The following SAMD3 variants were observed in gnomAD, a reference collection of about 807,000 sequenced individuals.
SAMD3 encodes sterile alpha motif domain containing 3.
A neutral mutation model predicts 58.5 loss-of-function variants in SAMD3; 63 were observed. That is an observed-to-expected ratio of 1.08 (90% CI 0.88 to 1.33). The LOEUF (loss-of-function observed/expected upper bound fraction) is 1.33. Among genes scored for constraint, SAMD3 ranks in the 40% most tolerant of loss-of-function variants. The pLI, the probability that SAMD3 is intolerant of heterozygous loss-of-function variation, is 0.00. For synonymous variants in SAMD3, 220 were observed against 210.3 expected (o/e 1.05, Z -0.40); for missense variants, 604 against 608.4 (o/e 0.99, Z 0.08).
intron 2 of SAMD3, among the ~76,000 whole-genome samples, chr6:130,253,525 T>C (rs1773817084): frequency 6.6e-6 from 1 of 152,206 alleles, no homozygotes; most frequent in Non-Finnish European, 1.5e-5. Context: ...CTTGTCTTAT[T>C]TGCAGAAGTC....
chr6:130,173,886 G>A (rs1582791814), intron 8 of SAMD3, among the ~76,000 whole-genome samples: 2 of 152,208 alleles, frequency 1.3e-5, no homozygotes, highest in South Asian at 4.1e-4. Flanking sequence ...CTTCAGAGAT[G>A]CCCTGCCCAG....
intron 2 of SAMD3, among the ~76,000 whole-genome samples, chr6:130,269,051 A>G (rs1583030248): frequency 6.6e-6 from 1 of 152,232 alleles, no homozygotes. Context: ...TAGTTCCCGA[A>G]GTTTTACTCC....
chr6:130,291,070 A>C (rs1286339287), intron 2 of SAMD3, among the ~76,000 whole-genome samples: 3 of 151,306 alleles, frequency 2.0e-5, no homozygotes, highest in Non-Finnish European at 4.4e-5. Context: ...CATGCCATAC[A>C]TGGTGATGAC....
chr6:130,298,115 C>G (rs72990383), intron 2 of SAMD3, among the ~76,000 whole-genome samples: 3,016 of 152,190 alleles, frequency 0.02, 53 homozygotes, highest in Non-Finnish European at 0.032. Context: ...GGGGAAAAAT[C>G]TTAAAGGCAA....
At chr6:130,152,823 G>A (rs188735826) in intron 9 of SAMD3, among the ~76,000 whole-genome samples, 94 of 152,320 alleles carry the variant, frequency 6.2e-4, no homozygotes, top group Middle Eastern at 3.4e-3. Flanking sequence ...TGCCACAGCA[G>A]GAGGCCTGGA....
In SAMD3 at chr6:130,214,394, T is replaced by A; in HGVS notation, c.212A>T (p.Lys71Met). The A allele has an allele frequency of 1.2e-6, 2 of 1,611,868 alleles. No homozygotes were observed. Among genetic ancestry groups the A allele is most frequent in the Non-Finnish European group, 1.7e-6 (2 of 1,178,916 alleles). ...TGCCTTTTTGGGGTTTTCTGGGGACTTCAGTCCTTGAGTGTTCTGCTTGTA... is the reference window on the plus strand; with the variant it reads ...TGCCTTTTTGGGGTTTTCTGGGGACATCAGTCCTTGAGTGTTCTGCTTGTA... ...KKYKQNTQGLKSPENPKKAAL... is the reference protein window; with the variant it reads ...KKYKQNTQGLMSPENPKKAAL... Residue 71 changes from lysine to methionine, a missense_variant, in exon 4 of 12, where the codon AAG becomes ATG. Physicochemically the swap from Lys to Met is moderately conservative, Grantham distance 95. Coordinates refer to ENST00000439090, the MANE Select transcript of SAMD3 (RefSeq NM_001017373.4).
rs748112449 is a variant in SAMD3, at chr6:130,272,392, C to T, written c.-188+40586G>A. On this transcript the variant is annotated intron_variant, in intron 2 of 13. Coordinates refer to the SAMD3 transcript ENST00000368134. ...GGACCTGGGATCAGATTGGGACAGT[C>T]AGTATCTAACTTATTTATCTATTTA... is the stretch of plus-strand genomic sequence containing the variant. 6.7e-4 allele frequency among the ~76,000 whole-genome samples: 102 copies of T among 152,160 alleles called. 1 individual carries two copies. The highest frequency in any genetic ancestry group is 3.1e-3 in the Admixed American group (47 of 15,274).
intron 5 of SAMD3, among the ~76,000 whole-genome samples, chr6:130,201,042 C>T (rs1439670902): frequency 1.3e-5 from 2 of 152,194 alleles, no homozygotes; most frequent in African/African-American, 4.8e-5. Context: ...CTCTTCTCCT[C>T]AGTAACAGGC....
At chr6:130,234,378 A>C (rs1464011069) in intron 2 of SAMD3, among the ~76,000 whole-genome samples, 3 of 152,180 alleles carry the variant, frequency 2.0e-5, no homozygotes, top group African/African-American at 4.8e-5. Flanking sequence ...TCTCAATATC[A>C]ATAAGAGATT....
intron 2 of SAMD3, among the ~76,000 whole-genome samples, chr6:130,298,883 G>T (rs1775655834): frequency 6.6e-6 from 1 of 152,124 alleles, no homozygotes; most frequent in Non-Finnish European, 1.5e-5. Flanking sequence ...AAAAGAGACA[G>T]AAGGGCATTA....
chr6:130,284,764 T>A lies in SAMD3; in HGVS notation c.-188+28214A>T, dbSNP rs1405880324. On this transcript the variant is annotated intron_variant, in intron 2 of 13. Transcript: ENST00000368134. ...ATGCACTCGGAGAGGGATAGCATTATTAGGGATGAAGATGGTTACTACGCG... is the reference window on the plus strand; with the variant it reads ...ATGCACTCGGAGAGGGATAGCATTAATAGGGATGAAGATGGTTACTACGCG... 1.4e-4 allele frequency among the ~76,000 whole-genome samples: 22 copies of A among 152,180 alleles called. 1 individual carries two copies. The highest frequency in any genetic ancestry group is 1.4e-3 in the Admixed American group (22 of 15,280).
At chr6:130,365,514 C>A (rs1287670444), upstream of SAMD3, 1 of 985,252 alleles carries the variant, frequency 1.0e-6, no homozygotes, top group Non-Finnish European at 1.2e-6. Context: ...GAGAAAGCGT[C>A]CGAGGGGCGT....
At chr6:130,186,732 C>A (rs1410663000) in intron 5 of SAMD3, among the ~76,000 whole-genome samples, 1 of 151,318 alleles carries the variant, frequency 6.6e-6, no homozygotes, top group Non-Finnish European at 1.5e-5. Context: ...AAAGTAATGG[C>A]CAGTTTTGTT....
At chr6:130,164,422 T>C (rs937458660) in intron 8 of SAMD3, among the ~76,000 whole-genome samples, 8 of 152,176 alleles carry the variant, frequency 5.3e-5, no homozygotes, top group Non-Finnish European at 1.2e-4. Flanking sequence ...ACGCTAAAGA[T>C]AGTACAAGGA....
intron 2 of SAMD3, among the ~76,000 whole-genome samples, chr6:130,310,759 T>C (rs1285303894): frequency 3.3e-5 from 5 of 152,240 alleles, no homozygotes; most frequent in Non-Finnish European, 7.3e-5. Context: ...ATCTGAATTA[T>C]ATTGCAAAAA....
chr6:130,273,813 T>C (rs1774670529), intron 2 of SAMD3, among the ~76,000 whole-genome samples: 1 of 152,178 alleles, frequency 6.6e-6, no homozygotes, highest in Non-Finnish European at 1.5e-5. Context: ...ACACAATTTA[T>C]ATTATTGATG....
intron 7 of SAMD3, among the ~76,000 whole-genome samples, chr6:130,179,941 T>G (rs1160137140): frequency 6.6e-6 from 1 of 151,116 alleles, no homozygotes; most frequent in Non-Finnish European, 1.5e-5. Flanking sequence ...CAGCCTCCCG[T>G]GTAGCTGGGA....
chr6:130,297,796 C>T (rs1054620383), intron 2 of SAMD3, among the ~76,000 whole-genome samples: 9 of 152,156 alleles, frequency 5.9e-5, no homozygotes, highest in South Asian at 4.1e-4. Flanking sequence ...AGAGCTTGAA[C>T]GCTGGTCTTT....
chr6:130,329,053 T>G (rs1462809059), intron 1 of SAMD3, among the ~76,000 whole-genome samples: 2 of 151,964 alleles, frequency 1.3e-5, no homozygotes, highest in African/African-American at 4.8e-5. Context: ...CCTCTCTCTC[T>G]CTCTCTCTCT....
Sources: allele counts gnomAD v4.1 joint callset (sites outside exome capture counted in the v4.1 genomes callset), GRCh38; gene constraint gnomAD v4.1.1; transcripts MANE v1.5; gene names NCBI Gene and HGNC (gene_info 2026-07-23, HGNC 2026-07-21).